Variants in FOXP2 observed in about 807,000 individuals in gnomAD.
The protein encoded by FOXP2 is forkhead box P2.
In FOXP2, 12 loss-of-function variants were observed where a neutral mutation model predicts 115.8. The observed-to-expected ratio is 0.10, with a 90% CI of 0.07 to 0.17. The LOEUF (loss-of-function observed/expected upper bound fraction) is 0.17. FOXP2 is among the 10% of genes least tolerant of loss of function. FOXP2 has a pLI of 1.00. For missense variants in FOXP2, 629 were observed against 843.5 expected, an observed-to-expected ratio of 0.75 and a Z score of 3.15; for synonymous variants, 328 against 297.7, an observed-to-expected ratio of 1.10 and a Z score of -1.05.
intron 8 of FOXP2, among the ~76,000 whole-genome samples, chr7:114,651,110 T>A (rs1379379799): frequency 6.6e-6 from 1 of 152,074 alleles, no homozygotes; most frequent in Non-Finnish European, 1.5e-5. Context: ...CAAAAATATA[T>A]TTGTTGAATT....
At chr7:114,632,017 G>A (rs1804950232) in intron 6 of FOXP2, among the ~76,000 whole-genome samples, 1 of 152,200 alleles carries the variant, frequency 6.6e-6, no homozygotes, top group Non-Finnish European at 1.5e-5. Flanking sequence ...AGGAGGATCT[G>A]CAGGGAATTG....
At position 114,475,843 on chromosome 7, in the gene FOXP2, A is replaced by C. The variant is rs1363530361; in HGVS notation, c.168+49164A>C. 2.0e-5 allele frequency among the ~76,000 whole-genome samples: 3 copies of C among 151,932 alleles called. No homozygotes were observed. The East Asian group carries it at 5.8e-4, about 29-fold the overall frequency. ...TATCTATATCTATCTAAATAGATAT[A>C]GATATTGACTATGACTATGTCAAAT... On this transcript the variant is annotated intron_variant, in intron 2 of 16. Coordinates refer to ENST00000350908, the MANE Select transcript of FOXP2 (RefSeq NM_014491.4).
Position 114,262,409 on chromosome 7 carries a change from A to G in FOXP2, c.-101-25610A>G, listed in dbSNP as rs146403459. Reference sequence around the variant, plus strand: ...ATTGCACTCCAGCCTAGGTGACAGTACTAAATAAAAGGTACTATGCTTAGT... The same window carrying G: ...ATTGCACTCCAGCCTAGGTGACAGTGCTAAATAAAAGGTACTATGCTTAGT... On this transcript the variant is annotated intron_variant, in intron 1 of 17. Coordinates refer to the FOXP2 transcript ENST00000634411. 5.4e-3 allele frequency among the ~76,000 whole-genome samples: 818 copies of G among 152,272 alleles called. 9 individuals carry two copies. The highest frequency in any genetic ancestry group is 0.019 in the African/African-American group (785 of 41,552).
chr7:114,203,529 A>G (rs988655533), intron 1 of FOXP2, among the ~76,000 whole-genome samples: 15 of 152,014 alleles, frequency 9.9e-5, no homozygotes, highest in Admixed American at 8.5e-4. Flanking sequence ...ATTTTTGTAG[A>G]CACAGGGCTT....
intron 1 of FOXP2, among the ~76,000 whole-genome samples, chr7:114,209,701 A>G (rs1201212186): frequency 6.6e-6 from 1 of 152,012 alleles, no homozygotes; most frequent in African/African-American, 2.4e-5. Context: ...CTGTCTTGTT[A>G]GGTTGGGGAA....
Position 114,690,174 on chromosome 7 carries a change from T to TA in FOXP2, c.*248_*249insA. The TA allele has an allele frequency of 2.0e-6, 1 of 504,364 alleles. No homozygotes were observed. The allele number at this position is 504,364 out of a possible 1,614,324, so 31.2% of individuals were successfully genotyped here. ...AAAAAAAGACAAAAACTGATTTTCT[T>TA]GAAAAAAAAAAATGAACTGTTCTTT... is the stretch of plus-strand genomic sequence containing the variant. On this transcript the variant is annotated 3_prime_UTR_variant, in exon 17 of 17. Coordinates refer to ENST00000350908, the MANE Select transcript of FOXP2 (RefSeq NM_014491.4).
At chr7:114,185,707 T>TA (rs1431038829) in intron 1 of FOXP2, among the ~76,000 whole-genome samples, 1 of 152,180 alleles carries the variant, frequency 6.6e-6, no homozygotes, top group Non-Finnish European at 1.5e-5. Flanking sequence ...TCATGCTCAC[T>TA]AGCAAGAATT....
chr7:114,392,478 A>G (rs965965160), intron 2 of FOXP2, among the ~76,000 whole-genome samples: 1 of 152,204 alleles, frequency 6.6e-6, no homozygotes, highest in Non-Finnish European at 1.5e-5. Context: ...CAGCAGTGGA[A>G]TGATCTTTTG....
chr7:114,662,020 A>G (rs749956159), intron 13 of FOXP2, 45 bp from the exon 14 acceptor site: 1 of 1,609,234 alleles, frequency 6.2e-7, no homozygotes, highest in Non-Finnish European at 8.5e-7. Context: ...GCCTTATTAG[A>G]CAATATTATT....
chr7:114,324,391 A>G (rs1345349674), intron 2 of FOXP2, among the ~76,000 whole-genome samples: 5 of 151,764 alleles, frequency 3.3e-5, no homozygotes, highest in Non-Finnish European at 7.4e-5. Context: ...TAGCCTGTTT[A>G]TTTATCTGGT....
At chr7:114,569,823 A>G (rs1020273443) in intron 3 of FOXP2, among the ~76,000 whole-genome samples, 3 of 151,950 alleles carry the variant, frequency 2.0e-5, no homozygotes, top group African/African-American at 4.8e-5. Context: ...TAACCTCTGA[A>G]CTTCATAGAT....
At chr7:114,119,910 C>A (rs566094798) in intron 1 of FOXP2, among the ~76,000 whole-genome samples, 70 of 152,240 alleles carry the variant, frequency 4.6e-4, no homozygotes, top group African/African-American at 1.6e-3. Flanking sequence ...GGTCTGTGTG[C>A]AGCCTGATAA....
intron 1 of FOXP2, among the ~76,000 whole-genome samples, chr7:114,098,426 A>ATGGTCAAC (rs777297209): frequency 2.6e-4 from 40 of 152,220 alleles, no homozygotes; most frequent in Non-Finnish European, 4.6e-4. Flanking sequence ...ATAAATCCAA[A>ATGGTCAAC]TGGTCAACTA....
At chr7:114,519,073 G>A (rs1798486223) in intron 2 of FOXP2, among the ~76,000 whole-genome samples, 1 of 152,072 alleles carries the variant, frequency 6.6e-6, no homozygotes, top group Non-Finnish European at 1.5e-5. Flanking sequence ...ATGTGCTCAA[G>A]GTGTTCTTTA....
At chr7:114,631,862 G>A (rs1025737526) in intron 6 of FOXP2, among the ~76,000 whole-genome samples, 157 bp downstream of exon 6, 7 of 152,118 alleles carry the variant, frequency 4.6e-5, no homozygotes, top group Non-Finnish European at 8.8e-5. Flanking sequence ...CTATTTTCTA[G>A]AGGCTCAGAA....
At chr7:114,388,785 A>T (rs1422323440) in intron 2 of FOXP2, among the ~76,000 whole-genome samples, 1 of 152,210 alleles carries the variant, frequency 6.6e-6, no homozygotes, top group Non-Finnish European at 1.5e-5. Context: ...TAGAGGAAAA[A>T]TAGTTAAAAT....
intron 2 of FOXP2, among the ~76,000 whole-genome samples, chr7:114,485,106 G>A (rs1316278086): frequency 6.6e-6 from 1 of 151,812 alleles, no homozygotes; most frequent in Non-Finnish European, 1.5e-5. Flanking sequence ...AAATATATAT[G>A]CTTTGCCCCA....
At chr7:114,257,132 A>G (rs1158426283) in intron 1 of FOXP2, among the ~76,000 whole-genome samples, 3 of 152,220 alleles carry the variant, frequency 2.0e-5, no homozygotes, top group African/African-American at 7.2e-5. Flanking sequence ...GAACTCAGAA[A>G]TAAGACAGCA....
In FOXP2 at chr7:114,690,766, C is replaced by G. The variant is rs775157396; in HGVS notation, c.*840C>G. The stretch of plus-strand genomic sequence containing the variant: ...GCTGCAAACCAAAGCCAACTCTAAC[C>G]ATGGCCAAGAGCTCAAGGACAGAAG... On this transcript the variant is annotated 3_prime_UTR_variant, in exon 17 of 17. Coordinates refer to ENST00000350908, the MANE Select transcript of FOXP2 (RefSeq NM_014491.4). 2 of 454,486 alleles carry G rather than the reference C, an allele frequency of 4.4e-6. No homozygotes were observed. 28.2% of individuals were successfully genotyped at this position (454,486 alleles called of 1,614,324 possible).
Sources: allele counts gnomAD v4.1 joint callset (sites outside exome capture counted in the v4.1 genomes callset), GRCh38; gene constraint gnomAD v4.1.1; transcripts MANE v1.5; gene names NCBI Gene and HGNC (gene_info 2026-07-23, HGNC 2026-07-21).